The following AK9 variants were observed in gnomAD, a reference collection of about 807,000 sequenced individuals.
The protein encoded by AK9 is adenylate kinase 9.
AK9 carries 191 observed loss-of-function variants against 239.6 expected under a neutral mutation model. That is an observed-to-expected ratio of 0.80 (90% CI 0.71 to 0.90). The LOEUF is 0.90. AK9 is among the 40% of genes least tolerant of loss of function. AK9 has a pLI of 0.00. For synonymous variants in AK9, 689 were observed against 721.0 expected (o/e 0.96, Z 0.71); for missense variants, 1,995 against 2,214.7 (o/e 0.90, Z 1.99).
intron 3 of AK9, 135 bp from the exon 4 acceptor site, chr6:109,672,302 T>C: frequency 2.6e-6 from 2 of 784,284 alleles, no homozygotes; most frequent in Non-Finnish European, 4.1e-6. Flanking sequence ...TGCAAATGTA[T>C]GCATATTACT....
chr6:109,624,616 A>G (rs1026127043), intron 12 of AK9, among the ~76,000 whole-genome samples: 1 of 152,166 alleles, frequency 6.6e-6, no homozygotes, highest in Admixed American at 6.5e-5. Flanking sequence ...AGAGTCTTCT[A>G]GGCTCATTTT....
At chr6:109,516,698 CTA>C in intron 29 of AK9, 56 bp from the exon 30 acceptor site, 1 of 1,401,286 alleles carries the variant, frequency 7.1e-7, no homozygotes. Flanking sequence ...ACAAAAGACA[CTA>C]TTAACAAATC....
chr6:109,556,289 T>C (rs925023217), intron 24 of AK9, among the ~76,000 whole-genome samples: 1 of 152,182 alleles, frequency 6.6e-6, no homozygotes, highest in African/African-American at 2.4e-5. Context: ...TTTGGCTGGA[T>C]ATGAAATTCT....
At chr6:109,541,475 G>A (rs1291418398) in intron 27 of AK9, among the ~76,000 whole-genome samples, 3 of 152,274 alleles carry the variant, frequency 2.0e-5, no homozygotes, top group African/African-American at 7.2e-5. Context: ...CAATGGCACT[G>A]TCTCGGCTCA....
intron 27 of AK9, among the ~76,000 whole-genome samples, chr6:109,535,699 G>T (rs953860890): frequency 1.3e-5 from 2 of 152,174 alleles, no homozygotes; most frequent in African/African-American, 4.8e-5. Context: ...GTCCTGAATG[G>T]TATTGCCTAG....
chr6:109,552,954 A>C (rs1450431378), intron 24 of AK9, among the ~76,000 whole-genome samples: 1 of 152,220 alleles, frequency 6.6e-6, no homozygotes, highest in Non-Finnish European at 1.5e-5. Context: ...CCATTTACTG[A>C]ATAGGAGATC....
chr6:109,513,625 C>T (rs1457104861), intron 32 of AK9, among the ~76,000 whole-genome samples: 1 of 152,148 alleles, frequency 6.6e-6, no homozygotes, highest in Non-Finnish European at 1.5e-5. Context: ...AGTTTTCAGT[C>T]ATTCTCACAG....
At chr6:109,647,833 T>C (rs971689132) in intron 8 of AK9, among the ~76,000 whole-genome samples, 1 of 152,132 alleles carries the variant, frequency 6.6e-6, no homozygotes, top group Non-Finnish European at 1.5e-5. Flanking sequence ...GACCACATAG[T>C]TGGAAGTAAA....
intron 1 of AK9, among the ~76,000 whole-genome samples, chr6:109,688,402 A>G (rs1327925843): frequency 6.6e-6 from 1 of 152,182 alleles, no homozygotes; most frequent in African/African-American, 2.4e-5. Flanking sequence ...CTAAAGGTTT[A>G]GAGTATGTCT....
chr6:109,671,898 AAT>A lies in AK9; in HGVS notation c.331+19_331+20del. The A allele has an allele frequency of 6.2e-7, 1 of 1,606,048 alleles. No homozygotes were observed. Among genetic ancestry groups the A allele is most frequent in the South Asian group, 1.1e-5 (1 of 90,514 alleles). ...TTTTAAGGCTGCTTTGTGGGCTGTA[AAT>A]ATATTAAAATAAACATACCAAAGTG... On this transcript the variant is annotated intron_variant, in intron 5 of 40. Transcript: ENST00000424296.
At chr6:109,641,375 A>C (rs752404158) in intron 10 of AK9, 143 bp downstream of exon 10, 11 of 278,190 alleles carry the variant, frequency 4.0e-5, no homozygotes, top group Non-Finnish European at 6.9e-5. Flanking sequence ...TTTTGTAGAG[A>C]TGGGTTCTGA....
At chr6:109,516,776 C>A in intron 29 of AK9, 134 bp from the exon 30 acceptor site, 1 of 753,786 alleles carries the variant, frequency 1.3e-6, no homozygotes, top group Non-Finnish European at 2.1e-6. Flanking sequence ...TCTAGTAACG[C>A]AATAAGGTTT....
At chr6:109,531,223 G>A (rs1781203978) in intron 28 of AK9, among the ~76,000 whole-genome samples, 1 of 152,124 alleles carries the variant, frequency 6.6e-6, no homozygotes, top group African/African-American at 2.4e-5. Context: ...GGAGTTTTAG[G>A]AAAATTCGTG....
chr6:109,572,254 G>A (rs1310191299), intron 21 of AK9, among the ~76,000 whole-genome samples: 2 of 152,042 alleles, frequency 1.3e-5, no homozygotes, highest in Non-Finnish European at 2.9e-5. Context: ...CCCCCCTCTC[G>A]TCTTCTATTC....
chr6:109,653,173 C>T (rs1245109558), intron 8 of AK9, among the ~76,000 whole-genome samples: 5 of 152,272 alleles, frequency 3.3e-5, no homozygotes, highest in South Asian at 2.1e-4. Flanking sequence ...GTGATCCACC[C>T]GTCTCCGCCT....
At chr6:109,667,745 T>C (rs1801434960) in intron 5 of AK9, among the ~76,000 whole-genome samples, 1 of 152,250 alleles carries the variant, frequency 6.6e-6, no homozygotes, top group Non-Finnish European at 1.5e-5. Flanking sequence ...TCATTTTTTA[T>C]GGCTGCATAG....
At chr6:109,604,934 T>G (rs943364507) in intron 17 of AK9, among the ~76,000 whole-genome samples, 1 of 152,238 alleles carries the variant, frequency 6.6e-6, no homozygotes, top group African/African-American at 2.4e-5. Context: ...TTTATGTTCT[T>G]GTCACATGTG....
intron 6 of AK9, 88 bp from the exon 7 acceptor site, chr6:109,659,501 TAA>T: frequency 1.4e-6 from 2 of 1,429,262 alleles, no homozygotes; most frequent in Non-Finnish European, 1.8e-6. Flanking sequence ...GTACAGTACA[TAA>T]ACCAAAAAAT....
intron 20 of AK9, among the ~76,000 whole-genome samples, chr6:109,576,420 C>CTTTTTTTTTTTTTT (rs3060763): frequency 5.8e-5 from 6 of 103,510 alleles, no homozygotes; most frequent in East Asian, 3.5e-4. Flanking sequence ...CATATATATA[C>CTTTTTTTTTTTTTT]TTTTTTTTTT....
Sources: gnomAD v4.1 joint callset for allele counts (sites outside exome capture counted in the v4.1 genomes callset) on GRCh38, gnomAD v4.1.1 for gene constraint, MANE v1.5 for transcripts, NCBI Gene and HGNC (gene_info 2026-07-23, HGNC 2026-07-21) for gene names.